The following MEGF10 variants were observed in gnomAD, a reference collection of about 807,000 sequenced individuals.
MEGF10 encodes the protein multiple EGF like domains 10.
In MEGF10, 86 loss-of-function variants were observed where a neutral mutation model predicts 147.5. That is an observed-to-expected ratio of 0.58 (90% CI 0.49 to 0.70). MEGF10 has a LOEUF of 0.70. Ranked by LOEUF, MEGF10 falls within the 30% of genes least tolerant of loss-of-function variation. MEGF10 has a pLI of 0.00. For synonymous variants in MEGF10, 478 were observed against 525.5 expected (o/e 0.91, Z 1.24); for missense variants, 1,329 against 1,487.3 (o/e 0.89, Z 1.75).
chr5:127,325,887 G>GTATATATATATA (rs1189933388), intron 1 of MEGF10, among the ~76,000 whole-genome samples: 3 of 49,462 alleles, frequency 6.1e-5, no homozygotes, highest in African/African-American at 2.5e-4. Context: ...GTGTGTGTGT[G>GTATATATATATA]TATATATATA....
the MEGF10 span, among the ~76,000 whole-genome samples, chr5:127,261,327 AG>A: frequency 6.6e-6 from 1 of 152,206 alleles, no homozygotes; most frequent in Non-Finnish European, 1.5e-5. Flanking sequence ...TGCCTAATCC[AG>A]ACATTTCATA....
upstream of MEGF10, among the ~76,000 whole-genome samples, chr5:127,289,129 A>G (rs1418196346): frequency 2.6e-5 from 4 of 152,216 alleles, no homozygotes; most frequent in East Asian, 1.9e-4. Flanking sequence ...GGAATTGTTC[A>G]TTATCTTGAT....
At chr5:127,293,512 A>G (rs1000900056) in intron 1 of MEGF10, among the ~76,000 whole-genome samples, 1 of 152,196 alleles carries the variant, frequency 6.6e-6, no homozygotes, top group African/African-American at 2.4e-5. Context: ...ATTTAGAAGT[A>G]GTAAGTCTTC....
chr5:127,248,734 G>C, the MEGF10 span, among the ~76,000 whole-genome samples: 1 of 151,612 alleles, frequency 6.6e-6, no homozygotes, highest in Non-Finnish European at 1.5e-5. Flanking sequence ...AATATCAGTT[G>C]TCCCATATGT....
At chr5:127,290,480 A>G (rs1759195641), upstream of MEGF10, among the ~76,000 whole-genome samples, 2 of 152,148 alleles carry the variant, frequency 1.3e-5, no homozygotes, top group African/African-American at 2.4e-5. Flanking sequence ...TGGGTTGGGA[A>G]TCAGGCGGGC....
intron 5 of MEGF10, among the ~76,000 whole-genome samples, chr5:127,396,184 G>C (rs2059084): frequency 0.74 from 112,109 of 152,114 alleles, 41,893 homozygotes; most frequent in Middle Eastern, 0.85. Context: ...GCCTAGCCAG[G>C]CTGCTCTCCT....
At chr5:127,340,923 T>C (rs1159602135) in intron 4 of MEGF10, among the ~76,000 whole-genome samples, 2 of 152,138 alleles carry the variant, frequency 1.3e-5, no homozygotes, top group Non-Finnish European at 2.9e-5. Context: ...AAATGTCTCA[T>C]TGGAAATTGG....
intron 4 of MEGF10, among the ~76,000 whole-genome samples, chr5:127,362,446 T>C (rs1762509031): frequency 6.6e-6 from 1 of 151,534 alleles, no homozygotes; most frequent in African/African-American, 2.4e-5. Context: ...CTCGGCTCAC[T>C]GCAAGCTCCG....
chr5:127,390,521 C>T (rs1032988605), intron 5 of MEGF10, among the ~76,000 whole-genome samples: 1 of 152,026 alleles, frequency 6.6e-6, no homozygotes, highest in Admixed American at 6.5e-5. Flanking sequence ...TAACTCCTGA[C>T]CTCAAATGAT....
chr5:127,321,876 G>A lies in MEGF10; in HGVS notation c.-18-9415G>A, dbSNP rs1760799362. 6.6e-5 allele frequency among the ~76,000 whole-genome samples: 10 copies of A among 152,060 alleles called. No individual in the cohort carries two copies. In the South Asian group the frequency reaches 2.1e-3, roughly 32 times the overall value. ...GAAGGGAAAGACTGAAGATTCTGAT[G>A]ATGCTCAAGTACCCTGCTACATGTC... is the stretch of plus-strand genomic sequence containing the variant. On this transcript the variant is annotated intron_variant, in intron 1 of 24. Transcript: ENST00000503335.
chr5:127,412,574 T>C (rs60019013), intron 9 of MEGF10, among the ~76,000 whole-genome samples: 4,913 of 152,326 alleles, frequency 0.032, 85 homozygotes, highest in East Asian at 0.049. Flanking sequence ...ATTAATAATG[T>C]ACATTGTCTT....
chr5:127,338,113 G>A (rs1164242527), intron 2 of MEGF10, among the ~76,000 whole-genome samples: 1 of 152,062 alleles, frequency 6.6e-6, no homozygotes. Flanking sequence ...TGTCTAACCT[G>A]AATTCTTCAT....
Position 127,340,553 on chromosome 5 carries a change from G to A in MEGF10, c.242G>A (p.Arg81Gln), listed in dbSNP as rs1761640955. 1.9e-6 allele frequency: 3 copies of A among 1,612,628 alleles called. No homozygotes were observed. Among genetic ancestry groups the A allele is most frequent in the Non-Finnish European group, 2.5e-6 (3 of 1,179,002 alleles). ...RHRVSYRTAY[R>Q]HGEKTMYRRK... ...AGAGTCAGCTATCGGACAGCCTATC[G>A]ACATGGGGAGAAGACTATGTATAGG... Residue 81 changes from arginine (R) to glutamine (Q), a missense_variant, in exon 4 of 25, where the codon CGA becomes CAA. This residue lies in a region of MEGF10 where 980 missense variants were observed against 1,085.9 expected (regional missense o/e 0.90). Coordinates refer to ENST00000503335, the MANE Select transcript of MEGF10 (RefSeq NM_001256545.2).
intron 13 of MEGF10, among the ~76,000 whole-genome samples, chr5:127,431,267 G>A (rs1253788039): frequency 1.3e-5 from 2 of 152,164 alleles, no homozygotes; most frequent in Admixed American, 6.5e-5. Flanking sequence ...CTGGCCTGTA[G>A]TCATTTTTCT....
At chr5:127,338,504 T>G (rs1761553741) in intron 2 of MEGF10, among the ~76,000 whole-genome samples, 2 of 152,114 alleles carry the variant, frequency 1.3e-5, no homozygotes, top group Admixed American at 1.3e-4. Context: ...TAGCAAGCTG[T>G]TGGTATGATT....
chr5:127,363,633 G>T (rs769559067), intron 4 of MEGF10, among the ~76,000 whole-genome samples: 61 of 152,302 alleles, frequency 4.0e-4, no homozygotes, highest in Admixed American at 5.9e-4. Context: ...TGTTAATAAA[G>T]GTTGAAGGTT....
In MEGF10 at chr5:127,459,772, T is replaced by C. The variant is rs955220519; in HGVS notation, c.*2454T>C. ...CATTTGTACCTGAGGCAATTCTTATTAGAGCTTACTCAGGACTTTTCAAAC... is the reference window on the plus strand; with the variant it reads ...CATTTGTACCTGAGGCAATTCTTATCAGAGCTTACTCAGGACTTTTCAAAC... On this transcript the variant is annotated 3_prime_UTR_variant, in exon 25 of 25. Transcript: ENST00000503335. 1.5e-4 allele frequency: 23 copies of C among 152,230 alleles called. No homozygotes were observed. The highest frequency in any genetic ancestry group is 5.5e-4 in the African/African-American group (23 of 41,462). 9.4% of individuals were successfully genotyped at this position (152,230 alleles called of 1,614,324 possible).
intron 1 of MEGF10, among the ~76,000 whole-genome samples, chr5:127,317,063 A>G (rs1445136812): frequency 6.6e-6 from 1 of 152,184 alleles, no homozygotes; most frequent in South Asian, 2.1e-4. Context: ...CATATACATG[A>G]GTTTGTTGAG....
chr5:127,422,206 A>G (rs1389448324), intron 12 of MEGF10, among the ~76,000 whole-genome samples: 1 of 152,132 alleles, frequency 6.6e-6, no homozygotes, highest in African/African-American at 2.4e-5. Context: ...GACTAAGAAG[A>G]CATAGAAAGA....
Sources: gnomAD v4.1 joint callset for allele counts (sites outside exome capture counted in the v4.1 genomes callset) on GRCh38, gnomAD v4.1.1 for gene constraint, gnomAD v4.1.1 regional missense constraint, MANE v1.5 for transcripts, NCBI Gene and HGNC (gene_info 2026-07-23, HGNC 2026-07-21) for gene names.